Variants in DOCK9 observed in about 807,000 individuals in gnomAD.
The protein encoded by DOCK9 is dedicator of cytokinesis 9.
DOCK9 carries 89 observed loss-of-function variants against 263.3 expected under a neutral mutation model. The ratio of observed to expected loss-of-function variants is 0.34; its 90% CI spans 0.28 to 0.40. DOCK9 has a LOEUF of 0.40. Ranked by LOEUF, DOCK9 falls within the 10% of genes least tolerant of loss-of-function variation. DOCK9 has a pLI of 1.00. For missense variants in DOCK9, 2,140 were observed against 2,603.4 expected (o/e 0.82, Z 3.87); for synonymous variants, 976 against 973.1 (o/e 1.00, Z -0.06).
intron 1 of DOCK9, among the ~76,000 whole-genome samples, chr13:98,963,536 T>C (rs1004950755): frequency 3.3e-5 from 5 of 152,358 alleles, no homozygotes; most frequent in African/African-American, 1.2e-4. Flanking sequence ...CAGTCATTTC[T>C]TGCCCTTGTG....
intron 27 of DOCK9, among the ~76,000 whole-genome samples, chr13:98,878,552 T>C (rs1387462027): frequency 6.6e-6 from 1 of 152,230 alleles, no homozygotes; most frequent in East Asian, 1.9e-4. Context: ...TGCGTGTGCA[T>C]GTGCACGCAC....
In DOCK9 at chr13:98,797,472, T is replaced by C. The variant is rs752996215; in HGVS notation, c.5934A>G (p.Leu1978=). ...CATCTAAGAAAGCTCGCGCATATGC[T>C]AGTGGGCCAGCATTGACCTAGACAA... is the stretch of plus-strand genomic sequence containing the variant. The part of the protein sequence containing the change: ...SVSVQVNAGP[L]AYARAFLDDT... The change falls in exon 51 of 53, where the codon CTA becomes CTG. Residue 1978 remains leucine (L), a synonymous_variant. Coordinates refer to ENST00000682017, the MANE Select transcript of DOCK9 (RefSeq NM_001366683.2). 35 of 1,611,694 alleles carry C rather than the reference T, an allele frequency of 2.2e-5. No homozygotes were observed. The South Asian group carries it at 3.6e-4, about 17-fold the overall frequency.
At chr13:98,946,496 A>G (rs1330627851) in intron 2 of DOCK9, among the ~76,000 whole-genome samples, 1 of 151,986 alleles carries the variant, frequency 6.6e-6, no homozygotes, top group East Asian at 1.9e-4. Flanking sequence ...ACTTCTCAAT[A>G]CGCAATGCTC....
chr13:98,979,472 C>A (rs1876558302), upstream of DOCK9, among the ~76,000 whole-genome samples: 1 of 152,124 alleles, frequency 6.6e-6, no homozygotes, highest in Non-Finnish European at 1.5e-5. Flanking sequence ...CCTCTCCTAG[C>A]ACCTGCTGCA....
intron 43 of DOCK9, among the ~76,000 whole-genome samples, chr13:98,828,233 G>A (rs1050418187): frequency 4.6e-5 from 7 of 152,202 alleles, no homozygotes; most frequent in Non-Finnish European, 1.0e-4. Context: ...AACTGTGAGA[G>A]GATACATTTC....
chr13:98,831,578 G>T, intron 40 of DOCK9, 48 bp from the exon 41 acceptor site: 5 of 1,593,214 alleles, frequency 3.1e-6, no homozygotes, highest in Non-Finnish European at 4.3e-6. Context: ...ACAGGTCAGT[G>T]CTCGGTAATG....
Position 98,915,432 on chromosome 13 carries a change from G to A in DOCK9, c.789C>T (p.Asp263=). The stretch of plus-strand genomic sequence containing the variant: ...TCCATTCTTCCATTTCCACTTCACT[G>A]TCTGCTGCCAAGAGATAACTACTTT... ...QDKSSYLLAA[D]SEVEMEEWIT... is the part of the protein sequence containing the mutation. Residue 263 remains aspartate (D), a synonymous_variant, in exon 8 of 53, where the codon GAC becomes GAT. Transcript: ENST00000682017. 1 of 1,613,930 alleles carries A rather than the reference G, an allele frequency of 6.2e-7. No individual in the cohort carries two copies. Among genetic ancestry groups the A allele is most frequent in the East Asian group, 2.2e-5 (1 of 44,882 alleles).
intron 45 of DOCK9, among the ~76,000 whole-genome samples, chr13:98,818,815 A>G (rs957601094): frequency 3.9e-5 from 6 of 152,004 alleles, no homozygotes; most frequent in Non-Finnish European, 7.4e-5. Context: ...CTGTCTCTGG[A>G]AACAGCACAC....
At chr13:98,841,001 G>T (rs1194318770) in intron 38 of DOCK9, among the ~76,000 whole-genome samples, 2 of 151,364 alleles carry the variant, frequency 1.3e-5, no homozygotes, top group African/African-American at 4.9e-5. Flanking sequence ...AAACATTTTT[G>T]CAAAATATCA....
At chr13:98,809,156 GAAGA>G in intron 47 of DOCK9, 192 bp downstream of exon 47, 2 of 1,525,486 alleles carry the variant, frequency 1.3e-6, no homozygotes, top group Non-Finnish European at 1.8e-6. Flanking sequence ...GAAAAGACAG[GAAGA>G]AAGAAAAAAA....
intron 2 of DOCK9, among the ~76,000 whole-genome samples, chr13:98,935,520 C>A (rs1410343201): frequency 1.3e-5 from 2 of 152,180 alleles, no homozygotes; most frequent in Non-Finnish European, 2.9e-5. Context: ...GTAATCCCAG[C>A]ACTTTGAGGG....
At chr13:98,938,992 G>A (rs1291724532) in intron 2 of DOCK9, among the ~76,000 whole-genome samples, 5 of 152,218 alleles carry the variant, frequency 3.3e-5, no homozygotes, top group Admixed American at 3.3e-4. Context: ...AGAGAGCTGG[G>A]AGTGTCCTCC....
chr13:99,022,981 GA>G (rs1001864663), intron 1 of DOCK9, among the ~76,000 whole-genome samples: 24 of 152,246 alleles, frequency 1.6e-4, no homozygotes, highest in Non-Finnish European at 1.3e-4. Flanking sequence ...TCAAAAGGGA[GA>G]AACATTTAAG....
At chr13:98,873,361 A>C (rs1419074192) in intron 27 of DOCK9, among the ~76,000 whole-genome samples, 1 of 152,212 alleles carries the variant, frequency 6.6e-6, no homozygotes, top group East Asian at 1.9e-4. Flanking sequence ...TTCACCTGCC[A>C]ACTGGAAATG....
At chr13:98,987,955 A>G (rs1595836679) in intron 1 of DOCK9, among the ~76,000 whole-genome samples, 2 of 150,404 alleles carry the variant, frequency 1.3e-5, no homozygotes, top group South Asian at 4.2e-4. Context: ...TTTTTTTTAA[A>G]TTTAAAAAAT....
chr13:99,065,200 G>A (rs1056217851), intron 1 of DOCK9, among the ~76,000 whole-genome samples: 6 of 152,180 alleles, frequency 3.9e-5, no homozygotes, highest in African/African-American at 9.7e-5. Flanking sequence ...ATAAATAAAT[G>A]TCCTAATCTA....
At chr13:98,924,586 T>C (rs1402804407) in intron 4 of DOCK9, among the ~76,000 whole-genome samples, 1 of 152,240 alleles carries the variant, frequency 6.6e-6, no homozygotes, top group Admixed American at 6.5e-5. Flanking sequence ...TAGTGGGTTA[T>C]GGGGCAGATC....
At chr13:99,008,208 C>CTATATA (rs1264001021) in intron 1 of DOCK9, among the ~76,000 whole-genome samples, 17 of 72,758 alleles carry the variant, frequency 2.3e-4, no homozygotes, top group East Asian at 6.5e-4. Flanking sequence ...CTCTCTCTCT[C>CTATATA]TCTCTATATA....
chr13:98,850,450 A>T (rs1293838574), intron 35 of DOCK9, among the ~76,000 whole-genome samples: 1 of 152,246 alleles, frequency 6.6e-6, no homozygotes, highest in African/African-American at 2.4e-5. Context: ...TATAACCTAA[A>T]GCCGGGCTCT....
Sources: gnomAD v4.1 joint callset for allele counts (sites outside exome capture counted in the v4.1 genomes callset) on GRCh38, gnomAD v4.1.1 for gene constraint, MANE v1.5 for transcripts, NCBI Gene and HGNC (gene_info 2026-07-23, HGNC 2026-07-21) for gene names.